The following HERC4 variants were observed in gnomAD, a reference collection of about 807,000 sequenced individuals.
HERC4 encodes the protein probable E3 ubiquitin-protein ligase HERC4.
In HERC4, 28 loss-of-function variants were observed where a neutral mutation model predicts 124.3. The observed-to-expected ratio is 0.23, with a 90% confidence interval of 0.17 to 0.31. The LOEUF (loss-of-function observed/expected upper bound fraction) is 0.31, where lower values mean the gene tolerates loss of function less well. Ranked by LOEUF, HERC4 falls within the 10% of genes least tolerant of loss-of-function variation. The pLI, the probability that HERC4 is intolerant of heterozygous loss-of-function variation, is 1.00. For synonymous variants in HERC4, 407 were observed against 421.5 expected, an observed-to-expected ratio of 0.97 and a Z score of 0.42; for missense variants, 713 against 1,229.3, an observed-to-expected ratio of 0.58 and a Z score of 6.28.
intron 16 of HERC4, among the ~76,000 whole-genome samples, chr10:67,960,272 A>G (rs2034421752): frequency 6.6e-6 from 1 of 152,222 alleles, no homozygotes; most frequent in African/African-American, 2.4e-5. Context: ...CTACATGGAA[A>G]GGACAACAGA....
intron 17 of HERC4, 103 bp from the exon 18 acceptor site, chr10:67,955,233 C>T: frequency 1.0e-6 from 1 of 966,228 alleles, no homozygotes; most frequent in South Asian, 1.5e-5. Flanking sequence ...TTCTATAATT[C>T]CTATGCTACT....
rs558570093 is a variant in HERC4, at chr10:67,924,108, C to T, written c.2942-969G>A. Among the ~76,000 whole-genome samples the T allele has an allele frequency of 1.4e-4, 22 of 152,110 alleles. No individual in the cohort carries two copies. The South Asian group carries it at 1.9e-3, about 13-fold the overall frequency. On this transcript the variant is annotated intron_variant, in intron 24 of 24. Transcript: ENST00000373700. ...GAAAAGAGCAATACAGTTGGCCCTC[C>T]GTATCTGTGAGCTCTGTATCCATGG...
chr10:68,020,062 TGAATTTA>T (rs1186405489), intron 8 of HERC4, among the ~76,000 whole-genome samples: 1 of 152,186 alleles, frequency 6.6e-6, no homozygotes, highest in African/African-American at 2.4e-5. Context: ...CATTTATGGG[TGAATTTA>T]GAATGTCACT....
intron 23 of HERC4, among the ~76,000 whole-genome samples, chr10:67,931,318 T>C (rs1450313342): frequency 6.6e-6 from 1 of 151,940 alleles, no homozygotes; most frequent in Non-Finnish European, 1.5e-5. Context: ...AGAATCAATA[T>C]TTGATAATTA....
At chr10:68,057,959 C>T (rs933099192) in intron 3 of HERC4, among the ~76,000 whole-genome samples, 1 of 152,106 alleles carries the variant, frequency 6.6e-6, no homozygotes, top group South Asian at 2.1e-4. Flanking sequence ...CCTTGGCCTC[C>T]CTAAGTGCTA....
At chr10:68,013,520 G>A (rs908732087) in intron 9 of HERC4, among the ~76,000 whole-genome samples, 4 of 152,172 alleles carry the variant, frequency 2.6e-5, no homozygotes, top group African/African-American at 9.7e-5. Context: ...GAGGTACCTA[G>A]CCTAGTGTTA....
chr10:67,989,787 C>T (rs2036454695), intron 14 of HERC4, among the ~76,000 whole-genome samples: 2 of 151,732 alleles, frequency 1.3e-5, no homozygotes, highest in Admixed American at 1.3e-4. Flanking sequence ...AAAATAAAAT[C>T]AAATATCATG....
At chr10:68,059,476 T>C (rs997969372) in intron 3 of HERC4, among the ~76,000 whole-genome samples, 1 of 129,024 alleles carries the variant, frequency 7.8e-6, no homozygotes, top group Non-Finnish European at 1.6e-5. Flanking sequence ...TTATATATTA[T>C]AATATTATAT....
At chr10:67,977,727 A>G (rs140318337) in intron 15 of HERC4, among the ~76,000 whole-genome samples, 4,553 of 152,276 alleles carry the variant, frequency 0.03, 233 homozygotes, top group African/African-American at 0.1. Flanking sequence ...CACGCCTCTA[A>G]TCCCAGCACT....
intron 9 of HERC4, among the ~76,000 whole-genome samples, chr10:68,000,518 G>A (rs2037165017): frequency 6.6e-6 from 1 of 151,490 alleles, no homozygotes; most frequent in Non-Finnish European, 1.5e-5. Context: ...GGTGGAGGCT[G>A]CAGTGAGCCA....
chr10:68,053,236 G>A (rs1172813959), intron 3 of HERC4, among the ~76,000 whole-genome samples: 1 of 151,864 alleles, frequency 6.6e-6, no homozygotes, highest in East Asian at 1.9e-4. Context: ...TTTGTCAACT[G>A]ATAAATACAT....
intron 16 of HERC4, among the ~76,000 whole-genome samples, chr10:67,957,228 C>T (rs543867571): frequency 1.8e-4 from 28 of 152,236 alleles, no homozygotes; most frequent in South Asian, 4.1e-4. Flanking sequence ...GTATCTTTTG[C>T]TTAGCATATG....
intron 15 of HERC4, among the ~76,000 whole-genome samples, chr10:67,974,916 C>T (rs1049265382): frequency 9.2e-5 from 14 of 152,098 alleles, no homozygotes; most frequent in African/African-American, 3.1e-4. Context: ...TTTGGCTGGG[C>T]GCAGTGGCTC....
intron 19 of HERC4, among the ~76,000 whole-genome samples, chr10:67,942,932 T>C (rs1186954496): frequency 1.3e-5 from 2 of 152,222 alleles, no homozygotes; most frequent in Non-Finnish European, 2.9e-5. Flanking sequence ...AATGACAACT[T>C]GCTTTAGTAC....
At chr10:67,980,023 G>A (rs192537360) in intron 15 of HERC4, among the ~76,000 whole-genome samples, 92 of 152,284 alleles carry the variant, frequency 6.0e-4, no homozygotes, top group Admixed American at 2.9e-3. Flanking sequence ...ACTTCTCAGG[G>A]CAAACTTTAC....
At chr10:68,002,342 A>G (rs1185489876) in intron 9 of HERC4, among the ~76,000 whole-genome samples, 1 of 152,200 alleles carries the variant, frequency 6.6e-6, no homozygotes, top group African/African-American at 2.4e-5. Flanking sequence ...ATCAATAGAT[A>G]AACAAGAAGA....
intron 9 of HERC4, among the ~76,000 whole-genome samples, chr10:68,001,659 C>A (rs2037241009): frequency 6.6e-6 from 1 of 152,092 alleles, no homozygotes. Flanking sequence ...GCAACTATCA[C>A]CACTAATCAT....
chr10:67,932,669 C>A lies in HERC4; in HGVS notation c.2766G>T (p.Leu922=). The change falls in exon 23 of 25, where the codon CTG becomes CTT. Residue 922 remains leucine, a synonymous_variant. Transcript: ENST00000373700. ...CTTGTAGTTCATTAGGCTGAAAGAG[C>A]AGAAGGACTTTTCCTCCACAGACCT... The part of the protein sequence containing the change: ...FHKVCGGKVL[L]LFQPNELQAM... 3 of 1,608,652 alleles carry A rather than the reference C, an allele frequency of 1.9e-6. No homozygotes were observed. Among genetic ancestry groups the A allele is most frequent in the Non-Finnish European group, 2.5e-6 (3 of 1,178,756 alleles).
At chr10:68,046,538 G>A (rs2040019326) in intron 3 of HERC4, among the ~76,000 whole-genome samples, 1 of 152,212 alleles carries the variant, frequency 6.6e-6, no homozygotes, top group African/African-American at 2.4e-5. Context: ...TGGAGAGAGA[G>A]AGAGAATAAA....
Sources: gnomAD v4.1 joint callset for allele counts (sites outside exome capture counted in the v4.1 genomes callset) on GRCh38, gnomAD v4.1.1 for gene constraint, MANE v1.5 for transcripts, NCBI Gene and HGNC (gene_info 2026-07-23, HGNC 2026-07-21) for gene names.